Variants in IQSEC3 observed in about 807,000 individuals in gnomAD.
The protein encoded by IQSEC3 is IQ motif and Sec7 domain ArfGEF 3, also known as IQ motif and SEC7 domain-containing protein 3.
IQSEC3 carries 50 observed loss-of-function variants against 105.4 expected under a neutral mutation model. The observed-to-expected ratio is 0.47, with a 90% CI of 0.38 to 0.60. The LOEUF (loss-of-function observed/expected upper bound fraction) is 0.60, where lower values mean the gene tolerates loss of function less well. Among genes scored for constraint, IQSEC3 ranks in the 20% least tolerant of loss-of-function variants. The pLI is 0.00. For missense variants in IQSEC3, 1,415 were observed against 1,630.0 expected, an observed-to-expected ratio of 0.87 and a Z score of 2.27; for synonymous variants, 708 against 746.0, an observed-to-expected ratio of 0.95 and a Z score of 0.83.
In IQSEC3 at chr12:66,821, G is replaced by T. The variant is rs1347967912; in HGVS notation, c.-62G>T. The T allele has an allele frequency of 7.6e-6, 10 of 1,321,816 alleles. No individual in the cohort carries two copies. The South Asian group carries it at 1.7e-4, about 22-fold the overall frequency. The allele number at this position is 1,321,816 out of a possible 1,614,324, so 81.9% of individuals were successfully genotyped here. ...CCGACCGCTGGGCTGCTGGGCTCCC[G>T]CGCCCTCGCGCTCCCCGCCGCCAGC... On this transcript the variant is annotated 5_prime_UTR_variant, in exon 1 of 14. Coordinates refer to ENST00000538872, the MANE Select transcript of IQSEC3 (RefSeq NM_001170738.2).
intron 12 of IQSEC3, among the ~76,000 whole-genome samples, chr12:169,664 C>T (rs1484497653): frequency 6.6e-6 from 1 of 152,184 alleles, no homozygotes; most frequent in African/African-American, 2.4e-5. Context: ...ATTGCTCACT[C>T]CAGCCGAGTC....
At chr12:117,414 G>T (rs1362967884) in intron 2 of IQSEC3, among the ~76,000 whole-genome samples, 1 of 152,230 alleles carries the variant, frequency 6.6e-6, no homozygotes, top group Non-Finnish European at 1.5e-5. Flanking sequence ...CAGTAAGATG[G>T]CACTCGCCAG....
chr12:90,750 T>C (rs1346695557), intron 1 of IQSEC3, among the ~76,000 whole-genome samples: 1 of 152,216 alleles, frequency 6.6e-6, no homozygotes, highest in Non-Finnish European at 1.5e-5. Flanking sequence ...AACCATCCAG[T>C]GAAGTCCTAC....
At chr12:163,167 A>C (rs1223606556) in intron 8 of IQSEC3, among the ~76,000 whole-genome samples, 6 of 90,430 alleles carry the variant, frequency 6.6e-5, no homozygotes, top group African/African-American at 8.6e-5. Flanking sequence ...ACAAAACCGA[A>C]CCCCTCCCCT....
intron 1 of IQSEC3, among the ~76,000 whole-genome samples, chr12:68,638 T>C (rs551220647): frequency 6.6e-6 from 1 of 152,408 alleles, no homozygotes; most frequent in South Asian, 2.1e-4. Flanking sequence ...GGTCAGCACC[T>C]GACCTTGACA....
intron 5 of IQSEC3, among the ~76,000 whole-genome samples, chr12:150,032 G>A (rs1323215816): frequency 6.6e-6 from 1 of 152,180 alleles, no homozygotes; most frequent in African/African-American, 2.4e-5. Context: ...GAGGCAGGGA[G>A]ACTGGTGAGA....
At chr12:169,345 G>T (rs1938849119) in intron 12 of IQSEC3, among the ~76,000 whole-genome samples, 1 of 152,222 alleles carries the variant, frequency 6.6e-6, no homozygotes, top group Non-Finnish European at 1.5e-5. Context: ...TGGAGTCCGT[G>T]TGAGATGTCA....
chr12:138,353 G>A lies in IQSEC3; in HGVS notation c.990G>A (p.Gln330=), dbSNP rs1189311246. ...CTIQTAFRQY[Q]LSKNFEKIRN... Reference sequence around the variant, plus strand: ...TCCAAACCGCCTTCCGCCAATACCAGCTCAGCAAGAACTTCGAGAAAATCC... The same window carrying A: ...TCCAAACCGCCTTCCGCCAATACCAACTCAGCAAGAACTTCGAGAAAATCC... The change falls in exon 4 of 14, where the codon CAG becomes CAA. Residue 330 remains glutamine, a synonymous_variant. Coordinates refer to ENST00000538872, the MANE Select transcript of IQSEC3 (RefSeq NM_001170738.2). This position sits in a 1 kb window ranked among gnomAD's most constrained non-coding sequence, Gnocchi z 7.1. 8 of 1,613,598 alleles carry A rather than the reference G, an allele frequency of 5.0e-6. No individual in the cohort carries two copies. Among genetic ancestry groups the A allele is most frequent in the Non-Finnish European group, 6.8e-6 (8 of 1,180,030 alleles).
chr12:76,417 G>C (rs1259118272), intron 1 of IQSEC3, among the ~76,000 whole-genome samples: 2 of 152,250 alleles, frequency 1.3e-5, no homozygotes, highest in Non-Finnish European at 2.9e-5. Flanking sequence ...ACTTGGGCTG[G>C]GGGAGTTGGA....
chr12:137,141 A>G (rs1865798194), intron 3 of IQSEC3, among the ~76,000 whole-genome samples: 1 of 144,960 alleles, frequency 6.9e-6, no homozygotes, highest in African/African-American at 2.5e-5. Context: ...AGGGACCCCC[A>G]TTCTTGAGAC....
chr12:93,108 T>C (rs1334532116), intron 1 of IQSEC3, among the ~76,000 whole-genome samples: 1 of 152,194 alleles, frequency 6.6e-6, no homozygotes, highest in East Asian at 1.9e-4. Context: ...GAGCTACTAT[T>C]ATCCTAGCTT....
At chr12:99,091 G>T (rs1335103232) in intron 1 of IQSEC3, 55 bp from the exon 2 acceptor site, 4 of 1,510,602 alleles carry the variant, frequency 2.6e-6, no homozygotes, top group Admixed American at 1.8e-5. Context: ...GTGTCAGGCA[G>T]GGCGGGGACC....
At chr12:98,588 T>A (rs1864314234) in intron 1 of IQSEC3, among the ~76,000 whole-genome samples, 1 of 152,204 alleles carries the variant, frequency 6.6e-6, no homozygotes, top group Admixed American at 6.5e-5. Flanking sequence ...CCCTGCCTTC[T>A]GCGTTGGCTT....
chr12:142,888 G>A (rs544572006), intron 5 of IQSEC3, among the ~76,000 whole-genome samples: 1 of 152,156 alleles, frequency 6.6e-6, no homozygotes, highest in Admixed American at 6.6e-5. Context: ...CCCAAGCCAG[G>A]GTGAGGTGCT....
chr12:120,447 A>G (rs1353028452), intron 2 of IQSEC3, among the ~76,000 whole-genome samples: 1 of 152,162 alleles, frequency 6.6e-6, no homozygotes, highest in African/African-American at 2.4e-5. Flanking sequence ...TCCCACCAGT[A>G]TTGTGGAGTC....
chr12:107,623 G>T (rs1864715257), intron 2 of IQSEC3, among the ~76,000 whole-genome samples: 3 of 151,774 alleles, frequency 2.0e-5, no homozygotes. Context: ...TGTTAGCCAG[G>T]ATGGTCTCGA....
At position 138,920 on chromosome 12, in the gene IQSEC3, C is replaced by A. The variant is rs1555087833; in HGVS notation, c.1557C>A (p.Pro519=). The A allele has an allele frequency of 1.3e-6, 2 of 1,599,790 alleles. No individual in the cohort carries two copies. Among genetic ancestry groups the A allele is most frequent in the Admixed American group, 1.7e-5 (1 of 58,486 alleles). ...NCLGAQTVQA[P]AEPAAGKAEQ... is the part of the protein sequence containing the mutation. Reference sequence around the variant, plus strand: ...TGGGCGCTCAGACGGTCCAGGCCCCCGCAGAGCCCGCGGCGGGCAAGGCCG... The same window carrying A: ...TGGGCGCTCAGACGGTCCAGGCCCCAGCAGAGCCCGCGGCGGGCAAGGCCG... Residue 519 remains proline, a synonymous_variant, in exon 4 of 14, where the codon CCC becomes CCA. Coordinates refer to ENST00000538872, the MANE Select transcript of IQSEC3 (RefSeq NM_001170738.2). This position sits in a 1 kb window ranked among gnomAD's most constrained non-coding sequence, Gnocchi z 7.1.
chr12:116,458 T>C (rs1865052733), intron 2 of IQSEC3, among the ~76,000 whole-genome samples: 1 of 152,234 alleles, frequency 6.6e-6, no homozygotes, highest in Admixed American at 6.5e-5. Context: ...TATTCTTTTG[T>C]GGTTCCTGAT....
intron 1 of IQSEC3, among the ~76,000 whole-genome samples, chr12:98,531 C>T (rs782102942): frequency 3.0e-4 from 46 of 152,182 alleles, no homozygotes; most frequent in Admixed American, 7.9e-4. Context: ...AGGTTAGCCT[C>T]GTATGACACA....
Sources: gnomAD v4.1 joint callset for allele counts (sites outside exome capture counted in the v4.1 genomes callset) on GRCh38, gnomAD v4.1.1 for gene constraint, Gnocchi (gnomAD v3.1) non-coding constraint, MANE v1.5 for transcripts, NCBI Gene and HGNC (gene_info 2026-07-23, HGNC 2026-07-21) for gene names.